The following KLRG1 variants were observed in gnomAD, a reference collection of about 807,000 sequenced individuals.
KLRG1 encodes killer cell lectin-like receptor subfamily G member 1.
KLRG1 carries 16 observed loss-of-function variants against 21.8 expected under a neutral mutation model. That is an observed-to-expected ratio of 0.73 (90% CI 0.50 to 1.11). The LOEUF (loss-of-function observed/expected upper bound fraction) is 1.11, where lower values mean the gene tolerates loss of function less well. KLRG1 is among the 50% of genes most tolerant of loss of function. KLRG1 has a pLI of 0.00. For missense variants in KLRG1, 173 were observed against 218.3 expected (o/e 0.79, Z 1.31); for synonymous variants, 69 against 75.9 (o/e 0.91, Z 0.47).
intron 1 of KLRG1, among the ~76,000 whole-genome samples, chr12:8,971,974 T>C (rs1565539173): frequency 6.6e-6 from 1 of 152,224 alleles, no homozygotes; most frequent in Non-Finnish European, 1.5e-5. Flanking sequence ...ACTCTGTCGA[T>C]TGTTTCCTTT....
chr12:9,095,710 T>G, the KLRG1 span: 1 of 1,169,262 alleles, frequency 8.6e-7, no homozygotes, highest in South Asian at 1.4e-5. Flanking sequence ...CCTGTACAAA[T>G]ACGAAAGACA....
chr12:9,027,258 C>CAA, the KLRG1 span, among the ~76,000 whole-genome samples: 7 of 134,668 alleles, frequency 5.2e-5, no homozygotes, highest in East Asian at 6.5e-4. Context: ...AGCATGGGTG[C>CAA]AAAAAAAAAA....
chr12:9,065,558 G>A, the KLRG1 span, among the ~76,000 whole-genome samples: 7 of 152,206 alleles, frequency 4.6e-5, no homozygotes, highest in African/African-American at 7.2e-5. Flanking sequence ...ACCAACAAGC[G>A]TGGGAGGGAG....
the KLRG1 span, chr12:9,093,436 G>T: frequency 6.8e-7 from 1 of 1,470,474 alleles, no homozygotes; most frequent in Non-Finnish European, 9.5e-7. Context: ...CTCTATTGTT[G>T]CATATTGCAT....
At chr12:9,162,355 G>T in the KLRG1 span, 107 of 447,524 alleles carry the variant, frequency 2.4e-4, no homozygotes, top group African/African-American at 1.9e-3. Context: ...AGGTAAAAGG[G>T]CTACGTATGA....
the KLRG1 span, among the ~76,000 whole-genome samples, chr12:9,206,848 C>A: frequency 6.6e-6 from 1 of 152,144 alleles, no homozygotes; most frequent in Non-Finnish European, 1.5e-5. Flanking sequence ...AGGAATGCAT[C>A]CAGAACCACA....
chr12:8,954,622 G>A (rs1592231070), intron 1 of KLRG1, among the ~76,000 whole-genome samples: 1 of 152,028 alleles, frequency 6.6e-6, no homozygotes, highest in African/African-American at 2.4e-5. Flanking sequence ...GTGGAAAATG[G>A]TATTGAAAAA....
chr12:9,110,179 A>G, the KLRG1 span: 2 of 1,106,578 alleles, frequency 1.8e-6, no homozygotes, highest in East Asian at 2.5e-5. Context: ...AGTTATAGCC[A>G]TCTAGCTCTA....
chr12:9,208,198 C>G, the KLRG1 span: 2 of 1,324,392 alleles, frequency 1.5e-6, no homozygotes, highest in Non-Finnish European at 2.2e-6. Flanking sequence ...GAAGGCAAAG[C>G]GAAGACACAA....
At chr12:9,009,321 C>T in intron 4 of KLRG1, 105 bp from the exon 5 acceptor site, 3 of 1,390,002 alleles carry the variant, frequency 2.2e-6, no homozygotes, top group Non-Finnish European at 2.9e-6. Flanking sequence ...GAATTAGGGG[C>T]CTGAATAGGG....
chr12:9,076,243 C>A, the KLRG1 span, among the ~76,000 whole-genome samples: 2 of 152,102 alleles, frequency 1.3e-5, no homozygotes, highest in Non-Finnish European at 2.9e-5. Context: ...ATAACTAGTA[C>A]TTTTATAGGA....
downstream of KLRG1, among the ~76,000 whole-genome samples, chr12:9,015,244 A>G (rs1035076988): frequency 1.3e-5 from 2 of 152,096 alleles, no homozygotes; most frequent in African/African-American, 4.8e-5. Context: ...AAGACCCAAC[A>G]ATCTGTCACC....
At chr12:9,052,048 T>C in the KLRG1 span, among the ~76,000 whole-genome samples, 2 of 152,182 alleles carry the variant, frequency 1.3e-5, no homozygotes, top group African/African-American at 4.8e-5. Flanking sequence ...GCAGCTCTCT[T>C]GTGATTGAGA....
downstream of KLRG1, among the ~76,000 whole-genome samples, chr12:9,015,398 TAA>T (rs1947685666): frequency 6.6e-6 from 1 of 152,100 alleles, no homozygotes; most frequent in South Asian, 2.1e-4. Flanking sequence ...ACAAAAATTA[TAA>T]AAAGAGACAA....
intron 1 of KLRG1, among the ~76,000 whole-genome samples, chr12:8,979,768 C>G (rs900475256): frequency 1.3e-5 from 2 of 152,000 alleles, no homozygotes; most frequent in African/African-American, 2.4e-5. Context: ...TCTCCTCTGA[C>G]TGGATAATTT....
chr12:9,162,979 G>T, the KLRG1 span, among the ~76,000 whole-genome samples: 958 of 152,202 alleles, frequency 6.3e-3, 6 homozygotes, highest in African/African-American at 0.022. Context: ...GCCTCCATGT[G>T]TCTATGTGTT....
chr12:9,010,176 A>T lies in KLRG1; in HGVS notation c.*639A>T. The T allele has an allele frequency of 2.0e-6, 1 of 505,596 alleles. No individual in the cohort carries two copies. The highest frequency in any genetic ancestry group is 3.4e-5 in the South Asian group (1 of 29,048). The allele number at this position is 505,596 out of a possible 1,614,324, so 31.3% of individuals were successfully genotyped here. ...ACTCCAGCCTGGGAGATAGAGCAAG[A>T]CTCCATCTCTAAAAAAAAAAAAAAA... On this transcript the variant is annotated 3_prime_UTR_variant, in exon 5 of 5. Coordinates refer to ENST00000356986, the MANE Select transcript of KLRG1 (RefSeq NM_005810.4).
the KLRG1 span, chr12:9,169,032 A>G: frequency 7.7e-7 from 1 of 1,293,216 alleles, no homozygotes; most frequent in Non-Finnish European, 1.1e-6. Context: ...TATAAAACAT[A>G]TTATCCTTAG....
the KLRG1 span, among the ~76,000 whole-genome samples, chr12:9,105,848 T>C: frequency 1.3e-5 from 2 of 152,170 alleles, no homozygotes; most frequent in African/African-American, 2.4e-5. Context: ...ACAAAGTTAG[T>C]GTTAGCATCG....
Sources: gnomAD v4.1 joint callset for allele counts (sites outside exome capture counted in the v4.1 genomes callset) on GRCh38, gnomAD v4.1.1 for gene constraint, MANE v1.5 for transcripts, NCBI Gene and HGNC (gene_info 2026-07-23, HGNC 2026-07-21) for gene names.